ATM: variants seen among roughly 807,000 people sequenced by gnomAD.
ATM encodes the protein serine-protein kinase ATM.
In ATM, 308 loss-of-function variants were observed where a neutral mutation model predicts 387.0. That is an observed-to-expected ratio of 0.80 (90% CI 0.73 to 0.87). ATM has a LOEUF of 0.87. Ranked by LOEUF, ATM falls within the 40% of genes least tolerant of loss-of-function variation. The pLI, the probability that ATM is intolerant of heterozygous loss-of-function variation, is 0.00. For missense variants in ATM, 3,312 were observed against 3,560.9 expected, an observed-to-expected ratio of 0.93 and a Z score of 1.78; for synonymous variants, 1,156 against 1,187.3, an observed-to-expected ratio of 0.97 and a Z score of 0.54.
At chr11:108,314,998 T>G (rs2084495620) in intron 40 of ATM, among the ~76,000 whole-genome samples, 1 of 152,244 alleles carries the variant, frequency 6.6e-6, no homozygotes, top group Admixed American at 6.5e-5. Context: ...CTTTTTCTTG[T>G]AATGGCATGA....
chr11:108,348,459 AATATATC>A (rs1412254351), intron 59 of ATM, among the ~76,000 whole-genome samples: 1 of 151,300 alleles, frequency 6.6e-6, no homozygotes, highest in Non-Finnish European at 1.5e-5. Flanking sequence ...ATAGCTAAGA[AATATATC>A]AAGTTTTGTA....
At chr11:108,267,023 C>T (rs555870477) in intron 16 of ATM, 148 bp from the exon 17 acceptor site, 36 of 747,454 alleles carry the variant, frequency 4.8e-5, no homozygotes, top group African/African-American at 2.2e-4. Flanking sequence ...TTCGAACTCC[C>T]GACCTCAGGT....
chr11:108,354,240 C>G (rs2089605396), intron 60 of ATM, among the ~76,000 whole-genome samples: 2 of 152,110 alleles, frequency 1.3e-5, no homozygotes, highest in African/African-American at 4.8e-5. Flanking sequence ...GACCTAAGCC[C>G]ATGTAACATA....
chr11:108,363,154 A>G (rs185634491), intron 61 of ATM, among the ~76,000 whole-genome samples: 1 of 152,232 alleles, frequency 6.6e-6, no homozygotes, highest in African/African-American at 2.4e-5. Flanking sequence ...TTCTGCCTTC[A>G]GCTTTAGGAG....
intron 43 of ATM, 131 bp downstream of exon 43, chr11:108,317,652 T>TATATATATATACACACACACACAC (rs1399501257): frequency 7.7e-5 from 9 of 117,458 alleles, no homozygotes; most frequent in African/African-American, 4.0e-4. Flanking sequence ...TATATATATA[T>TATATATATATACACACACACACAC]ACACACACAC....
intron 59 of ATM, 99 bp from the exon 60 acceptor site, chr11:108,353,667 T>A: frequency 4.3e-6 from 4 of 935,908 alleles, no homozygotes; most frequent in Non-Finnish European, 7.0e-6. Context: ...AGAACGTAGG[T>A]AACATGTGGT....
At chr11:108,256,068 T>G in intron 13 of ATM, 147 bp from the exon 14 acceptor site, 1 of 622,542 alleles carries the variant, frequency 1.6e-6, no homozygotes, top group Non-Finnish European at 2.4e-6. Flanking sequence ...CCTAGTTGTT[T>G]TTAGAGCTAT....
chr11:108,227,979 T>C, intron 3 of ATM, 91 bp downstream of exon 3: 1 of 1,109,214 alleles, frequency 9.0e-7, no homozygotes, highest in Non-Finnish European at 1.3e-6. Context: ...AGTCTTAACA[T>C]TTATCTTTGC....
rs573109136 is a variant in ATM, at chr11:108,367,579, G to A, written c.*2071G>A. ...TTAGGAAAATGTTCATCCCAGCTGC[G>A]GAGATTAACAAATGGGTGATTGAGC... On this transcript the variant is annotated 3_prime_UTR_variant, in exon 63 of 63. Transcript: ENST00000675843. The A allele has an allele frequency of 1.9e-5, 4 of 206,830 alleles. No homozygotes were observed. Among genetic ancestry groups the A allele is most frequent in the East Asian group, 1.5e-4 (2 of 13,616 alleles). The allele number at this position is 206,830 out of a possible 1,614,324, so 12.8% of individuals were successfully genotyped here. A position where few individuals can be genotyped will look rare whatever the true frequency, so the allele number is the denominator to read the frequency against.
intron 45 of ATM, among the ~76,000 whole-genome samples, chr11:108,323,459 T>C (rs1172289546): frequency 6.6e-6 from 1 of 151,910 alleles, no homozygotes; most frequent in African/African-American, 2.4e-5. Flanking sequence ...CACAGGTAAA[T>C]AGAAGAAATA....
At chr11:108,286,843 G>A (rs1358144006) in intron 26 of ATM, among the ~76,000 whole-genome samples, 1 of 152,134 alleles carries the variant, frequency 6.6e-6, no homozygotes, top group Non-Finnish European at 1.5e-5. Flanking sequence ...ACTTCCTTAT[G>A]CATTAAGTAA....
In ATM at chr11:108,267,235, G is replaced by A. The variant is rs587781808; in HGVS notation, c.2531G>A (p.Gly844Glu). Residue 844 changes from glycine to glutamate, a missense_variant, in exon 17 of 63, where the codon GGA becomes GAA. Around this residue, in one of 4 missense-constraint regions of ATM, gnomAD observed 1,791 missense variants for 1,804.5 expected, o/e 0.99. Transcript: ENST00000675843. ...GAATCAATGGAAGATGATACTAATG[G>A]AAATCTAATGGAGGTGGAGGATCAG... ...EVESMEDDTN[G>E]NLMEVEDQSS... 2.3e-5 allele frequency: 37 copies of A among 1,613,940 alleles called. No individual in the cohort carries two copies. The highest frequency in any genetic ancestry group is 1.6e-4 in the Middle Eastern group (1 of 6,082).
In ATM at chr11:108,327,747, T is replaced by C. The variant is rs587779860; in HGVS notation, c.7078T>C (p.Tyr2360His). 1 of 1,613,648 alleles carries C rather than the reference T, an allele frequency of 6.2e-7. No homozygotes were observed. The highest frequency in any genetic ancestry group is 8.5e-7 in the Non-Finnish European group (1 of 1,179,606). Residue 2360 changes from tyrosine to histidine, a missense_variant, in exon 48 of 63, where the codon TAT becomes CAT. Physicochemically the swap from Tyr to His is moderately conservative, Grantham distance 83 (BLOSUM62 2). Coordinates refer to ENST00000675843, the MANE Select transcript of ATM (RefSeq NM_000051.4). ...AAATCCTGCGGTCATCATGCAGACC[T>C]ATCTAGAAAAGGTAAGATTTTTGGA... ...LENPAVIMQT[Y>H]LEKAVEVAGN...
At chr11:108,278,610 T>C (rs1394189596) in intron 22 of ATM, among the ~76,000 whole-genome samples, 2 of 152,154 alleles carry the variant, frequency 1.3e-5, no homozygotes, top group African/African-American at 4.8e-5. Context: ...CTCAGACTCA[T>C]GGCAGAAGGC....
rs11366542 is a variant in ATM, at chr11:108,325,249, G to GTT, written c.6573-43_6573-42dup. 2,253 of 565,524 alleles carry GTT rather than the reference G, an allele frequency of 4.0e-3. 30 individuals are homozygous for GTT. The highest frequency in any genetic ancestry group is 0.037 in the African/African-American group (1,537 of 41,630). The allele number at this position is 565,524 out of a possible 1,614,324, so 35.0% of individuals were successfully genotyped here. A position where few individuals can be genotyped will look rare whatever the true frequency, so the allele number is the denominator to read the frequency against. On this transcript the variant is annotated intron_variant, in intron 45 of 62. Coordinates refer to ENST00000675843, the MANE Select transcript of ATM (RefSeq NM_000051.4). Reference sequence around the variant, plus strand: ...TATCGTAAGTTCCAGAACTTACATAGTTTTTTTTTTTTTTTTTTTCATTTC... The same window carrying GTT: ...TATCGTAAGTTCCAGAACTTACATAGTTTTTTTTTTTTTTTTTTTTTCATTTC...
At chr11:108,260,242 C>T (rs1268169867) in intron 16 of ATM, among the ~76,000 whole-genome samples, 1 of 151,958 alleles carries the variant, frequency 6.6e-6, no homozygotes, top group Non-Finnish European at 1.5e-5. Flanking sequence ...ACCATGTTGG[C>T]CAGGCTGGTC....
intron 52 of ATM, among the ~76,000 whole-genome samples, chr11:108,332,419 C>T (rs971756256): frequency 2.0e-5 from 3 of 151,700 alleles, no homozygotes; most frequent in Non-Finnish European, 4.4e-5. Flanking sequence ...GCAACAAGAG[C>T]GAAACTCTGT....
intron 54 of ATM, among the ~76,000 whole-genome samples, 163 bp from the exon 55 acceptor site, chr11:108,334,806 G>C (rs574050507): frequency 2.6e-5 from 4 of 152,050 alleles, no homozygotes; most frequent in African/African-American, 4.8e-5. Flanking sequence ...TTAAAGTTAC[G>C]AGCGTGAGCC....
rs869312478 is a variant in ATM at position 108,334,473 on chromosome 11, T to C, written c.8011-496T>C. ...GCAAGAAATAATGGAAGTAATTTCA[T>C]GTGGGCAGGGATATATGTAATAAGG... On this transcript the variant is annotated intron_variant, in intron 54 of 62. Coordinates refer to ENST00000675843, the MANE Select transcript of ATM (RefSeq NM_000051.4). Among the ~76,000 whole-genome samples the C allele has an allele frequency of 2.0e-5, 3 of 152,210 alleles. No homozygotes were observed. Among genetic ancestry groups the C allele is most frequent in the Non-Finnish European group, 2.9e-5 (2 of 68,026 alleles).
Sources: gnomAD v4.1 joint callset for allele counts (sites outside exome capture counted in the v4.1 genomes callset) on GRCh38, gnomAD v4.1.1 for gene constraint, gnomAD v4.1.1 regional missense constraint, MANE v1.5 for transcripts, NCBI Gene and HGNC (gene_info 2026-07-23, HGNC 2026-07-21) for gene names.